PI4K2A: variants seen among roughly 807,000 people sequenced by gnomAD.
PI4K2A encodes phosphatidylinositol 4-kinase type 2 alpha, also known as phosphatidylinositol 4-kinase type 2-alpha.
Under a neutral mutation model 55.0 loss-of-function variants are expected in PI4K2A, and 20 were observed. The observed-to-expected ratio is 0.36, with a 90% confidence interval of 0.26 to 0.53. PI4K2A has a LOEUF of 0.53. PI4K2A is among the 20% of genes least tolerant of loss of function. The probability of loss-of-function intolerance (pLI) is 0.91; values close to 1 mark genes in which losing one functional copy is unlikely to be tolerated. For missense variants in PI4K2A, 463 were observed against 637.1 expected (o/e 0.73, Z 2.94); for synonymous variants, 235 against 258.5 (o/e 0.91, Z 0.87).
At chr10:97,645,485 G>A (rs2041500715) in intron 1 of PI4K2A, among the ~76,000 whole-genome samples, 1 of 151,440 alleles carries the variant, frequency 6.6e-6, no homozygotes, top group South Asian at 2.1e-4. Flanking sequence ...GCGGGCACCT[G>A]TAGTCCCAGC....
intron 8 of PI4K2A, among the ~76,000 whole-genome samples, chr10:97,671,470 T>A (rs1438033421): frequency 6.6e-6 from 1 of 151,368 alleles, no homozygotes; most frequent in African/African-American, 2.4e-5. Flanking sequence ...AAAAAAAAAA[T>A]TAGGGGAAAC....
chr10:97,641,057 G>A (rs1157330912), exon 1 of PI4K2A: 6 of 1,605,388 alleles, frequency 3.7e-6, no homozygotes, highest in African/African-American at 1.3e-5. Context: ...ACGAGTTCCC[G>A]GAGGATCCTG....
intron 6 of PI4K2A, 97 bp from the exon 7 acceptor site, chr10:97,666,341 G>A: frequency 9.4e-7 from 1 of 1,063,970 alleles, no homozygotes; most frequent in South Asian, 1.5e-5. Flanking sequence ...TCAGGGAAGA[G>A]GGGTTCTCCT....
chr10:97,665,394 C>T (rs563920728), intron 6 of PI4K2A, among the ~76,000 whole-genome samples: 5 of 152,064 alleles, frequency 3.3e-5, no homozygotes, highest in Non-Finnish European at 5.9e-5. Flanking sequence ...CCTGCCTCAA[C>T]CTCCCAAGTA....
intron 1 of PI4K2A, among the ~76,000 whole-genome samples, chr10:97,646,538 TTTTGAGACCAAAACG>T (rs1423357336): frequency 6.6e-6 from 1 of 152,192 alleles, no homozygotes; most frequent in Non-Finnish European, 1.5e-5. Context: ...AGTTTAAACT[TTTTGAGACCAAAACG>T]TTTGAGAACT....
chr10:97,664,284 C>T lies in PI4K2A; in HGVS notation c.985-601C>T, dbSNP rs190880287. ...GCACCCATGAACCTGAAGCATGGAG[C>T]CACATAGTCAGTGATTGTCTCTGAC... is the stretch of plus-strand genomic sequence containing the variant. On this transcript the variant is annotated intron_variant, in intron 5 of 8. Coordinates refer to ENST00000370631, the Ensembl canonical transcript of PI4K2A. Among the ~76,000 whole-genome samples the T allele has an allele frequency of 2.0e-5, 3 of 152,316 alleles. No individual in the cohort carries two copies. The East Asian group carries it at 5.8e-4, about 29-fold the overall frequency.
intron 8 of PI4K2A, 89 bp downstream of exon 8, chr10:97,667,209 T>G: frequency 1.1e-6 from 1 of 930,362 alleles, no homozygotes; most frequent in Admixed American, 2.1e-5. Context: ...TTGTGTTTTA[T>G]ACCCCCCCCT....
chr10:97,673,441 T>C, intron 8 of PI4K2A, 140 bp from the exon 9 acceptor site: 1 of 597,534 alleles, frequency 1.7e-6, no homozygotes, highest in South Asian at 2.6e-5. Context: ...TTTTTACTTT[T>C]GTAAATGGCC....
At chr10:97,650,194 C>T (rs1384751676) in intron 1 of PI4K2A, among the ~76,000 whole-genome samples, 1 of 150,274 alleles carries the variant, frequency 6.7e-6, no homozygotes, top group Non-Finnish European at 1.5e-5. Context: ...GATATTGTAT[C>T]TTTCTGGAGG....
intron 4 of PI4K2A, among the ~76,000 whole-genome samples, chr10:97,661,979 G>C (rs149007028): frequency 2.1e-3 from 321 of 151,100 alleles, no homozygotes; most frequent in African/African-American, 7.3e-3. Flanking sequence ...AGCCTCCCAA[G>C]TAGTTGGGAC....
At chr10:97,665,060 T>C in intron 6 of PI4K2A, 76 bp downstream of exon 6, 1 of 859,574 alleles carries the variant, frequency 1.2e-6, no homozygotes, top group Non-Finnish European at 1.9e-6. Flanking sequence ...GAGATGATAA[T>C]GTCTCTATCA....
chr10:97,654,690 T>C (rs1054018054), intron 2 of PI4K2A, among the ~76,000 whole-genome samples: 7 of 152,216 alleles, frequency 4.6e-5, no homozygotes, highest in African/African-American at 1.7e-4. Flanking sequence ...TGTTCTCCGC[T>C]TCCTCAAATC....
rs2041556118 is a variant in PI4K2A, at chr10:97,656,582, A to T, written c.768+166A>T. ...AGTGGCTAAGGTTTGAAAAGTTGAG[A>T]CCTAACTTTTCACTTTACTCCTCTG... is the stretch of plus-strand genomic sequence containing the variant. On this transcript the variant is annotated intron_variant, in intron 3 of 8. Coordinates refer to ENST00000370631, the Ensembl canonical transcript of PI4K2A. The surrounding 1 kb of genome is among the most constrained non-coding windows in gnomAD (Gnocchi z 4.5). Among the ~76,000 whole-genome samples, 1 of 152,068 alleles carries T rather than the reference A, an allele frequency of 6.6e-6. No individual in the cohort carries two copies. The highest frequency in any genetic ancestry group is 1.5e-5 in the Non-Finnish European group (1 of 68,016).
chr10:97,667,656 A>G (rs1190122017), intron 8 of PI4K2A, among the ~76,000 whole-genome samples: 3 of 152,142 alleles, frequency 2.0e-5, no homozygotes, highest in Non-Finnish European at 4.4e-5. Flanking sequence ...ACTCATCTCT[A>G]TGCTAGTTGC....
At chr10:97,660,788 T>C (rs1407125424) in intron 4 of PI4K2A, among the ~76,000 whole-genome samples, 1 of 152,098 alleles carries the variant, frequency 6.6e-6, no homozygotes, top group Non-Finnish European at 1.5e-5. Flanking sequence ...CATAGTTTAC[T>C]TAAAATAGTT....
chr10:97,656,899 C>G lies in PI4K2A; in HGVS notation c.847C>G (p.Pro283Ala). 6.2e-7 allele frequency: 1 copy of G among 1,614,108 alleles called. No individual in the cohort carries two copies. The highest frequency in any genetic ancestry group is 8.5e-7 in the Non-Finnish European group (1 of 1,179,996). Residue 283 changes from proline to alanine, a missense_variant, in exon 4 of 9, where the codon CCT becomes GCT. By Grantham distance (27) the Pro-to-Ala change is conservative (BLOSUM62 -1). Around this residue, in one of 2 missense-constraint regions of PI4K2A, gnomAD observed 277 missense variants for 432.6 expected, o/e 0.64. Transcript: ENST00000370631. This position sits in a 1 kb window ranked among gnomAD's most constrained non-coding sequence, Gnocchi z 4.5. Reference sequence around the variant, plus strand: ...GCGGCGTTTTGAAGCAGAACCTCTTCCTGAGAACACTAACCGGCAACTACT... The same window carrying G: ...GCGGCGTTTTGAAGCAGAACCTCTTGCTGAGAACACTAACCGGCAACTACT...
chr10:97,663,826 TAAA>T (rs35736231), intron 5 of PI4K2A, among the ~76,000 whole-genome samples: 7 of 118,274 alleles, frequency 5.9e-5, no homozygotes, highest in East Asian at 2.5e-4. Flanking sequence ...TCTCAAAAAT[TAAA>T]AAAAAAAAAA....
At chr10:97,673,916 C>T in exon 9 of PI4K2A, 2 of 606,240 alleles carry the variant, frequency 3.3e-6, no homozygotes, top group Non-Finnish European at 5.8e-6. Context: ...CAATCAGGAA[C>T]AGTGAGTGCT....
intron 1 of PI4K2A, among the ~76,000 whole-genome samples, chr10:97,650,703 G>T (rs73334558): frequency 0.029 from 4,458 of 152,282 alleles, 236 homozygotes; most frequent in African/African-American, 0.1. Flanking sequence ...AAAGGAGCAA[G>T]GAAGAAAGAG....
Sources: allele counts gnomAD v4.1 joint callset (sites outside exome capture counted in the v4.1 genomes callset), GRCh38; gene constraint gnomAD v4.1.1; regional missense constraint gnomAD v4.1.1; non-coding constraint Gnocchi (gnomAD v3.1); transcripts MANE v1.5; gene names NCBI Gene and HGNC (gene_info 2026-07-23, HGNC 2026-07-21).